IAH1: variants seen among roughly 807,000 people sequenced by gnomAD.
IAH1 encodes isoamyl acetate hydrolyzing esterase 1 (putative), also known as isoamyl acetate-hydrolyzing esterase 1 homolog.
In IAH1, 24 loss-of-function variants were observed where a neutral mutation model predicts 26.7. The observed-to-expected ratio is 0.90, with a 90% CI of 0.65 to 1.26. The LOEUF (loss-of-function observed/expected upper bound fraction) is 1.26, where lower values mean the gene tolerates loss of function less well. Ranked by LOEUF, IAH1 falls within the 50% of genes most tolerant of loss-of-function variation. The pLI, the probability that IAH1 is intolerant of heterozygous loss-of-function variation, is 0.00. For synonymous variants in IAH1, 140 were observed against 118.5 expected (o/e 1.18, Z -1.18); for missense variants, 300 against 299.9 (o/e 1.00, Z 0.00).
chr2:9,510,138 G>A, the IAH1 span: 1 of 1,613,834 alleles, frequency 6.2e-7, no homozygotes, highest in South Asian at 1.1e-5. Context: ...CTTCCTTAAG[G>A]ATCATGCAAA....
chr2:9,490,738 C>T (rs1299276800), downstream of IAH1, among the ~76,000 whole-genome samples: 2 of 152,158 alleles, frequency 1.3e-5, no homozygotes, highest in Non-Finnish European at 2.9e-5. Context: ...ACAGTAATTA[C>T]TAGCTTTCAA....
intron 4 of IAH1, among the ~76,000 whole-genome samples, chr2:9,482,006 T>A (rs542489183): frequency 6.6e-6 from 1 of 151,520 alleles, no homozygotes; most frequent in South Asian, 2.1e-4. Flanking sequence ...TATGTTAATG[T>A]TGAAAATGTG....
chr2:9,508,785 G>A, the IAH1 span, among the ~76,000 whole-genome samples: 1 of 152,114 alleles, frequency 6.6e-6, no homozygotes, highest in Non-Finnish European at 1.5e-5. Context: ...TAGTGAACAT[G>A]ATTAGAAATG....
rs377165090 is a variant in IAH1 at position 9,495,730 on chromosome 2, C to A, written c.*223-585C>A. On this transcript the variant is annotated intron_variant, in intron 6 of 6. Transcript: ENST00000481367. ...CCATCTCAAAAAAAAAAAAAGAAAA[C>A]CTTTTCATCATTCACTAATTTATAA... 4.0e-3 allele frequency among the ~76,000 whole-genome samples: 599 copies of A among 149,390 alleles called. 6 individuals are homozygous for A. The highest frequency in any genetic ancestry group is 5.0e-3 in the Non-Finnish European group (336 of 67,118).
rs749282157 is a variant in IAH1, at chr2:9,488,177, C to T, written c.595C>T (p.His199Tyr). 20 of 1,611,434 alleles carry T rather than the reference C, an allele frequency of 1.2e-5. No individual in the cohort carries two copies. Among genetic ancestry groups the T allele is most frequent in the South Asian group, 3.3e-5 (3 of 90,690 alleles). The change falls in exon 6 of 6, where the codon CAT becomes TAT. Residue 199 changes from histidine to tyrosine, a missense_variant. Coordinates refer to ENST00000497473, the MANE Select transcript of IAH1 (RefSeq NM_001039613.3). ...DFSSYLSDGL[H>Y]LSPKGNEFLF... is the part of the protein sequence containing the mutation. Reference sequence around the variant, plus strand: ...CTCATCTTATTTATCAGATGGACTACATTTGTCTCCAAAGGGGAATGAATT... The same window carrying T: ...CTCATCTTATTTATCAGATGGACTATATTTGTCTCCAAAGGGGAATGAATT...
downstream of IAH1, chr2:9,489,850 T>TATC (rs1661962787): frequency 1.5e-5 from 3 of 205,722 alleles, no homozygotes; most frequent in Admixed American, 1.0e-4. Context: ...TCAGTGCTGT[T>TATC]ATCAATATAA....
chr2:9,512,140 G>A, the IAH1 span, among the ~76,000 whole-genome samples: 121 of 151,766 alleles, frequency 8.0e-4, no homozygotes, highest in African/African-American at 2.1e-3. Flanking sequence ...TATTAAAACC[G>A]TAGTGGGAAA....
At chr2:9,504,420 G>A in the IAH1 span, among the ~76,000 whole-genome samples, 1 of 151,540 alleles carries the variant, frequency 6.6e-6, no homozygotes, top group Non-Finnish European at 1.5e-5. Context: ...ACTCCAGCCT[G>A]GCAACAGAGC....
intron 4 of IAH1, among the ~76,000 whole-genome samples, chr2:9,483,403 T>G (rs1661297210): frequency 6.6e-6 from 1 of 152,148 alleles, no homozygotes; most frequent in Non-Finnish European, 1.5e-5. Context: ...GCAACCATGC[T>G]CAGCTAATTT....
At chr2:9,480,680 C>T (rs993370979) in intron 3 of IAH1, among the ~76,000 whole-genome samples, 15 of 152,118 alleles carry the variant, frequency 9.9e-5, no homozygotes, top group African/African-American at 3.4e-4. Context: ...TTATACTGTA[C>T]TTACATGTGG....
the IAH1 span, chr2:9,505,323 C>T: frequency 6.2e-7 from 1 of 1,614,168 alleles, no homozygotes; most frequent in Non-Finnish European, 8.5e-7. Flanking sequence ...GCCTTACTTT[C>T]AATGGTCTTA....
chr2:9,475,215 C>G lies in IAH1; in HGVS notation c.81+568C>G, dbSNP rs183514853. 8.1e-4 allele frequency: 1,043 copies of G among 1,288,422 alleles called. 2 individuals are homozygous for G. In the African/African-American group the frequency reaches 8.5e-3, roughly 10 times the overall value. 79.8% of individuals were successfully genotyped at this position (1,288,422 alleles called of 1,614,324 possible). On this transcript the variant is annotated intron_variant, in intron 1 of 5. Transcript: ENST00000497473. ...CATGAAGGGAACGGTCTTCTAAATG[C>G]AGGTTCTTACTTCGGGGAGGGAGTA...
intron 5 of IAH1, 40 bp downstream of exon 5, chr2:9,484,590 C>G (rs1178943285): frequency 2.2e-6 from 3 of 1,341,428 alleles, no homozygotes; most frequent in Non-Finnish European, 3.2e-6. Flanking sequence ...TAAATAGGAT[C>G]ACACAGAAGT....
chr2:9,509,310 C>T, the IAH1 span, among the ~76,000 whole-genome samples: 1 of 152,236 alleles, frequency 6.6e-6, no homozygotes, highest in Admixed American at 6.5e-5. Flanking sequence ...TTTATTAACA[C>T]AACTTTTAGT....
At chr2:9,486,591 G>A (rs530716518) in intron 5 of IAH1, 1 of 152,324 alleles carries the variant, frequency 6.6e-6, no homozygotes, top group South Asian at 2.1e-4. Flanking sequence ...ATTTCGGGAG[G>A]CTGAGGCAGG....
At chr2:9,481,956 A>T (rs1435111137) in intron 4 of IAH1, among the ~76,000 whole-genome samples, 1 of 151,538 alleles carries the variant, frequency 6.6e-6, no homozygotes, top group Non-Finnish European at 1.5e-5. Flanking sequence ...ACATAAGTGG[A>T]CCTTCACGGT....
chr2:9,490,446 G>C (rs763595824), downstream of IAH1: 4 of 1,614,082 alleles, frequency 2.5e-6, no homozygotes, highest in Admixed American at 6.7e-5. Context: ...AGGCGGCCTG[G>C]AGTCTGGGGC....
At chr2:9,491,102 C>A (rs1662103870), downstream of IAH1, 4 of 1,612,892 alleles carry the variant, frequency 2.5e-6, no homozygotes, top group East Asian at 2.2e-5. Context: ...TATACTTACA[C>A]TGGGGTGAAA....
At chr2:9,494,859 AG>A in exon 6 of IAH1, 1 of 1,486,976 alleles carries the variant, frequency 6.7e-7, no homozygotes, top group Non-Finnish European at 9.1e-7. Context: ...GCTCCCAAAG[AG>A]GTAAGAAATC....
Sources: gnomAD v4.1 joint callset for allele counts (sites outside exome capture counted in the v4.1 genomes callset) on GRCh38, gnomAD v4.1.1 for gene constraint, MANE v1.5 for transcripts, NCBI Gene and HGNC (gene_info 2026-07-23, HGNC 2026-07-21) for gene names.